Variants in WWC1 observed in about 807,000 individuals in gnomAD.
WWC1 encodes WW and C2 domain containing 1.
Under a neutral mutation model 138.4 loss-of-function variants are expected in WWC1, and 55 were observed. The ratio of observed to expected loss-of-function variants is 0.40; its 90% CI spans 0.32 to 0.50. The LOEUF is 0.50. WWC1 is among the 20% of genes least tolerant of loss of function. The probability of loss-of-function intolerance (pLI) is 0.72; values close to 1 mark genes in which losing one functional copy is unlikely to be tolerated. For missense variants in WWC1, 1,226 were observed against 1,420.4 expected (o/e 0.86, Z 2.20); for synonymous variants, 524 against 564.9 (o/e 0.93, Z 1.03).
At chr5:168,441,940 C>A in intron 16 of WWC1, 106 bp downstream of exon 16, 1 of 1,444,508 alleles carries the variant, frequency 6.9e-7, no homozygotes, top group Non-Finnish European at 9.2e-7. Flanking sequence ...GAGAGGAGAA[C>A]AATGGGGTGG....
At chr5:168,394,070 C>T (rs560363743) in intron 3 of WWC1, among the ~76,000 whole-genome samples, 4 of 152,048 alleles carry the variant, frequency 2.6e-5, no homozygotes, top group South Asian at 2.1e-4. Flanking sequence ...TTTAGGATGA[C>T]GGGGAGATGG....
At position 168,469,585 on chromosome 5, in the gene WWC1, C is replaced by T. The variant is rs1473645037; in HGVS notation, c.*568C>T. 1 of 154,052 alleles carries T rather than the reference C, an allele frequency of 6.5e-6. No homozygotes were observed. The highest frequency in any genetic ancestry group is 1.4e-5 in the Non-Finnish European group (1 of 69,190). 9.5% of individuals were successfully genotyped at this position (154,052 alleles called of 1,614,324 possible). A position where few individuals can be genotyped will look rare whatever the true frequency, so the allele number is the denominator to read the frequency against. ...CTGTGACGTGTTTTTATGTGGCTGC[C>T]CAACGTGGAGCGGGCAGTGTGATAG... On this transcript the variant is annotated 3_prime_UTR_variant, in exon 23 of 23. Transcript: ENST00000265293.
intron 15 of WWC1, among the ~76,000 whole-genome samples, chr5:168,440,283 C>T (rs1351066124): frequency 6.6e-6 from 1 of 152,174 alleles, no homozygotes; most frequent in Non-Finnish European, 1.5e-5. Context: ...TGGATGATGG[C>T]TATCCAAAAA....
intron 1 of WWC1, among the ~76,000 whole-genome samples, chr5:168,300,801 C>T (rs1769998709): frequency 6.6e-6 from 1 of 152,142 alleles, no homozygotes; most frequent in Non-Finnish European, 1.5e-5. Context: ...TTGTTGGATT[C>T]GTCCCTGGGG....
intron 20 of WWC1, 34 bp from the exon 21 acceptor site, chr5:168,464,695 C>G: frequency 1.9e-6 from 3 of 1,613,272 alleles, no homozygotes. Context: ...GGGCAGAGCT[C>G]TAATAACAAG....
At chr5:168,444,656 A>C in intron 17 of WWC1, 71 bp downstream of exon 17, 1 of 1,510,348 alleles carries the variant, frequency 6.6e-7, no homozygotes, top group Non-Finnish European at 9.1e-7. Context: ...AGATCCCCCA[A>C]TGCCAGTGCA....
chr5:168,459,124 C>T (rs1293061771), intron 19 of WWC1, among the ~76,000 whole-genome samples: 1 of 151,946 alleles, frequency 6.6e-6, no homozygotes, highest in South Asian at 2.1e-4. Flanking sequence ...CACAGTGGCA[C>T]GTGCCTTTAG....
intron 19 of WWC1, among the ~76,000 whole-genome samples, chr5:168,459,594 C>T (rs1193060097): frequency 6.6e-6 from 1 of 152,196 alleles, no homozygotes; most frequent in Non-Finnish European, 1.5e-5. Flanking sequence ...GTGCTCTATC[C>T]ATGTGGCAGT....
At chr5:168,312,331 A>C (rs749290288) in intron 1 of WWC1, among the ~76,000 whole-genome samples, 48 of 152,200 alleles carry the variant, frequency 3.2e-4, no homozygotes, top group Non-Finnish European at 6.0e-4. Flanking sequence ...GAAAGGTACT[A>C]ATATTGTCGT....
At chr5:168,368,955 G>A (rs1776530107) in intron 1 of WWC1, among the ~76,000 whole-genome samples, 1 of 152,114 alleles carries the variant, frequency 6.6e-6, no homozygotes, top group African/African-American at 2.4e-5. Flanking sequence ...CCCATCACCT[G>A]TGTCTACCCC....
In WWC1 at chr5:168,385,308, A is replaced by C. The variant is rs763209673; in HGVS notation, c.327A>C (p.Ala109=). ...TGGTGGCCCAGGAGGCTCTGAGTGC[A>C]CAAAAGGAGATCTACCAGGTGAAGC... The part of the protein sequence containing the change: ...YLVVAQEALS[A]QKEIYQVKQQ... Residue 109 remains alanine (A), a synonymous_variant, in exon 3 of 23, where the codon GCA becomes GCC. Transcript: ENST00000265293. 8.1e-6 allele frequency: 13 copies of C among 1,614,102 alleles called. No homozygotes were observed.
At chr5:168,446,111 C>T (rs1042815375) in intron 17 of WWC1, among the ~76,000 whole-genome samples, 4 of 151,824 alleles carry the variant, frequency 2.6e-5, no homozygotes, top group African/African-American at 9.7e-5. Flanking sequence ...CTGGGTAGAC[C>T]AAGAGCCAAG....
In WWC1 at chr5:168,470,330, G is replaced by C. The variant is rs1425118799; in HGVS notation, c.*1313G>C. 6.6e-6 allele frequency: 1 copy of C among 152,136 alleles called. No individual in the cohort carries two copies. Among genetic ancestry groups the C allele is most frequent in the African/African-American group, 2.4e-5 (1 of 41,416 alleles). 9.4% of individuals were successfully genotyped at this position (152,136 alleles called of 1,614,324 possible). On this transcript the variant is annotated 3_prime_UTR_variant, in exon 23 of 23. Coordinates refer to ENST00000265293, the MANE Select transcript of WWC1 (RefSeq NM_015238.3). ...GGGCAGCCTATTAAAAATGCAGACTGTTGAGACCATCCTGGCTAACACGGT... is the reference window on the plus strand; with the variant it reads ...GGGCAGCCTATTAAAAATGCAGACTCTTGAGACCATCCTGGCTAACACGGT...
intron 1 of WWC1, among the ~76,000 whole-genome samples, chr5:168,350,744 G>A (rs998468192): frequency 2.0e-5 from 3 of 152,208 alleles, no homozygotes; most frequent in Non-Finnish European, 2.9e-5. Flanking sequence ...TGTTTATTGA[G>A]CATCTAAGAC....
intron 3 of WWC1, among the ~76,000 whole-genome samples, chr5:168,386,261 C>T (rs1188464280): frequency 4.0e-5 from 6 of 151,842 alleles, no homozygotes; most frequent in African/African-American, 1.5e-4. Flanking sequence ...CACAATACAT[C>T]TGCTTGTATG....
At chr5:168,341,071 A>G (rs1026996427) in intron 1 of WWC1, among the ~76,000 whole-genome samples, 1 of 152,190 alleles carries the variant, frequency 6.6e-6, no homozygotes, top group Non-Finnish European at 1.5e-5. Context: ...CAAAGCAGAC[A>G]TGTCCCTGTC....
intron 1 of WWC1, among the ~76,000 whole-genome samples, chr5:168,335,202 G>C (rs1347592302): frequency 1.3e-5 from 2 of 152,178 alleles, no homozygotes; most frequent in Non-Finnish European, 2.9e-5. Flanking sequence ...CATCTTCCAA[G>C]GTTTCTCGGC....
At chr5:168,333,388 A>G (rs1487208668) in intron 1 of WWC1, among the ~76,000 whole-genome samples, 2 of 152,144 alleles carry the variant, frequency 1.3e-5, no homozygotes, top group African/African-American at 4.8e-5. Context: ...CTTGAGATTC[A>G]TGGAAAATGT....
intron 1 of WWC1, among the ~76,000 whole-genome samples, chr5:168,324,557 A>C (rs1581921500): frequency 6.6e-6 from 1 of 152,228 alleles, no homozygotes; most frequent in African/African-American, 2.4e-5. Context: ...ATTTCTTTAA[A>C]AGATAGTTGA....
Sources: gnomAD v4.1 joint callset for allele counts (sites outside exome capture counted in the v4.1 genomes callset) on GRCh38, gnomAD v4.1.1 for gene constraint, MANE v1.5 for transcripts, NCBI Gene and HGNC (gene_info 2026-07-23, HGNC 2026-07-21) for gene names.